Variants in TRIM35 observed in about 807,000 individuals in gnomAD.
The protein encoded by TRIM35 is E3 ubiquitin-protein ligase TRIM35.
In TRIM35, 37 loss-of-function variants were observed where a neutral mutation model predicts 49.1. The ratio of observed to expected loss-of-function variants is 0.75; its 90% CI spans 0.58 to 0.99. The LOEUF is 0.99. Among genes scored for constraint, TRIM35 ranks in the 50% least tolerant of loss-of-function variants. The pLI is 0.00. For missense variants in TRIM35, 648 were observed against 702.7 expected (o/e 0.92, Z 0.88); for synonymous variants, 302 against 289.3 (o/e 1.04, Z -0.45).
intron 1 of TRIM35, among the ~76,000 whole-genome samples, chr8:27,308,405 A>G (rs142221304): frequency 2.0e-5 from 3 of 152,278 alleles, no homozygotes; most frequent in African/African-American, 4.8e-5. Flanking sequence ...ATCTTTCTCT[A>G]AAACACACAT....
chr8:27,305,770 G>A (rs150370354), intron 1 of TRIM35, among the ~76,000 whole-genome samples: 58 of 152,320 alleles, frequency 3.8e-4, no homozygotes, highest in African/African-American at 1.4e-3. Flanking sequence ...CAGGGCTGCT[G>A]TAGAAGATGC....
chr8:27,311,170 G>A lies in TRIM35; in HGVS notation c.66C>T (p.Ala22=). Residue 22 remains alanine, a synonymous_variant, in exon 1 of 6, where the codon GCC becomes GCT. Coordinates refer to ENST00000305364, the MANE Select transcript of TRIM35 (RefSeq NM_171982.5). ...SRSFKEELLC[A]VCYDPFRDAV... ...CGTCGCGGAAGGGGTCGTAGCAGACGGCGCAGAGCAACTCCTCCTTGAAGG... is the reference window on the plus strand; with the variant it reads ...CGTCGCGGAAGGGGTCGTAGCAGACAGCGCAGAGCAACTCCTCCTTGAAGG... 5 of 1,607,126 alleles carry A rather than the reference G, an allele frequency of 3.1e-6. No individual in the cohort carries two copies. Among genetic ancestry groups the A allele is most frequent in the Non-Finnish European group, 4.2e-6 (5 of 1,177,686 alleles).
chr8:27,287,133 T>A lies in TRIM35; in HGVS notation c.*417A>T, dbSNP rs1175687892. On this transcript the variant is annotated 3_prime_UTR_variant, in exon 6 of 6. Coordinates refer to ENST00000305364, the MANE Select transcript of TRIM35 (RefSeq NM_171982.5). This position sits in a 1 kb window ranked among gnomAD's most constrained non-coding sequence, Gnocchi z 6.0. ...TGACCCACCGTGGGGCTTTCCTATG[T>A]GGCCCCTCCTCTCAGAACCGTAAGT... The A allele has an allele frequency of 6.2e-6, 1 of 161,796 alleles. No individual in the cohort carries two copies. The allele number at this position is 161,796 out of a possible 1,614,324, so 10.0% of individuals were successfully genotyped here.
Position 27,287,423 on chromosome 8 carries a change from G to C in TRIM35, c.*127C>G. 2.0e-6 allele frequency: 2 copies of C among 1,022,142 alleles called. No homozygotes were observed. The highest frequency in any genetic ancestry group is 2.8e-6 in the Non-Finnish European group (2 of 710,850). 63.3% of individuals were successfully genotyped at this position (1,022,142 alleles called of 1,614,324 possible). A position where few individuals can be genotyped will look rare whatever the true frequency, so the allele number is the denominator to read the frequency against. ...AGCCTGGAGTCATGGAAAAGGACCA[G>C]GCAGGACAGGAGGAAGAGCCTGGCA... On this transcript the variant is annotated 3_prime_UTR_variant, in exon 6 of 6. Coordinates refer to ENST00000305364, the MANE Select transcript of TRIM35 (RefSeq NM_171982.5). The surrounding 1 kb of genome is among the most constrained non-coding windows in gnomAD (Gnocchi z 6.0).
At chr8:27,298,425 T>C (rs762148624) in intron 2 of TRIM35, 39 bp downstream of exon 2, 1 of 1,594,724 alleles carries the variant, frequency 6.3e-7, no homozygotes, top group Non-Finnish European at 8.6e-7. Context: ...CTGCCCTGAG[T>C]GGACCCAATC....
Position 27,287,625 on chromosome 8 carries a change from T to G in TRIM35, c.1407A>C (p.Ala469=). The G allele has an allele frequency of 1.2e-6, 2 of 1,608,036 alleles. No individual in the cohort carries two copies. The highest frequency in any genetic ancestry group is 1.7e-6 in the Non-Finnish European group (2 of 1,177,300). The change falls in exon 6 of 6, where the codon GCA becomes GCC. Residue 469 remains alanine (A), a synonymous_variant. Transcript: ENST00000305364. The surrounding 1 kb of genome is among the most constrained non-coding windows in gnomAD (Gnocchi z 6.0). ...AAGGCTCTGGAGGCCCGGCGCCCCG[T>G]GCACCCCCCAGGTAGAAGTAGGGGC... is the stretch of plus-strand genomic sequence containing the variant. ...EVRPYFYLGG[A]RGAGPPEPLR...
At chr8:27,301,622 G>A (rs1389689105) in intron 1 of TRIM35, among the ~76,000 whole-genome samples, 1 of 152,052 alleles carries the variant, frequency 6.6e-6, no homozygotes, top group East Asian at 1.9e-4. Context: ...ATTAGTTAGA[G>A]GTGTAATGAA....
chr8:27,302,114 T>G (rs575747424), intron 1 of TRIM35, among the ~76,000 whole-genome samples: 9 of 152,356 alleles, frequency 5.9e-5, no homozygotes, highest in African/African-American at 2.2e-4. Flanking sequence ...CAAGAATGTC[T>G]TGGCAATTTT....
intron 5 of TRIM35, among the ~76,000 whole-genome samples, chr8:27,288,796 G>A (rs1437877983): frequency 6.6e-6 from 1 of 152,202 alleles, no homozygotes; most frequent in African/African-American, 2.4e-5. Context: ...GTAAAACCAG[G>A]ACACTGTGGC....
chr8:27,308,533 G>A (rs1481247479), intron 1 of TRIM35, among the ~76,000 whole-genome samples: 2 of 152,112 alleles, frequency 1.3e-5, no homozygotes, highest in African/African-American at 4.8e-5. Flanking sequence ...GTGGTGGAGG[G>A]AATCTTCCCA....
intron 4 of TRIM35, 120 bp from the exon 5 acceptor site, chr8:27,289,400 C>T: frequency 1.3e-6 from 1 of 760,546 alleles, no homozygotes; most frequent in East Asian, 2.7e-5. Flanking sequence ...GTTTCCTGGC[C>T]ACCTTCTCCA....
rs745320935 is a variant in TRIM35 at position 27,287,628 on chromosome 8, A to G, written c.1404T>C (p.Gly468=). 3.7e-6 allele frequency: 6 copies of G among 1,608,096 alleles called. No individual in the cohort carries two copies. The highest frequency in any genetic ancestry group is 3.4e-5 in the Admixed American group (2 of 59,282). The part of the protein sequence containing the change: ...GEVRPYFYLG[G]ARGAGPPEPL... Reference sequence around the variant, plus strand: ...GCTCTGGAGGCCCGGCGCCCCGTGCACCCCCCAGGTAGAAGTAGGGGCGAA... The same window carrying G: ...GCTCTGGAGGCCCGGCGCCCCGTGCGCCCCCCAGGTAGAAGTAGGGGCGAA... The change falls in exon 6 of 6, where the codon GGT becomes GGC. Residue 468 remains glycine (G), a synonymous_variant. Transcript: ENST00000305364. The surrounding 1 kb of genome is among the most constrained non-coding windows in gnomAD (Gnocchi z 6.0).
In TRIM35 at chr8:27,285,900, G is replaced by C. The variant is rs1483131290; in HGVS notation, c.*1650C>G. 1 of 328,548 alleles carries C rather than the reference G, an allele frequency of 3.0e-6. No homozygotes were observed. Among genetic ancestry groups the C allele is most frequent in the Non-Finnish European group, 6.0e-6 (1 of 166,190 alleles). 20.4% of individuals were successfully genotyped at this position (328,548 alleles called of 1,614,324 possible). A position where few individuals can be genotyped will look rare whatever the true frequency, so the allele number is the denominator to read the frequency against. On this transcript the variant is annotated 3_prime_UTR_variant, in exon 6 of 6. Coordinates refer to ENST00000305364, the MANE Select transcript of TRIM35 (RefSeq NM_171982.5). The stretch of plus-strand genomic sequence containing the variant: ...CATCTTCCAACCAGGTGCATGCACT[G>C]GTTTGCCAACATCCTCACCACGCCC...
At chr8:27,290,415 C>T (rs1322128553) in intron 3 of TRIM35, among the ~76,000 whole-genome samples, 1 of 152,166 alleles carries the variant, frequency 6.6e-6, no homozygotes, top group African/African-American at 2.4e-5. Context: ...GTGATTGGGT[C>T]ATGAGGGCAG....
At chr8:27,296,173 T>C (rs1370943832) in intron 2 of TRIM35, among the ~76,000 whole-genome samples, 2 of 150,548 alleles carry the variant, frequency 1.3e-5, no homozygotes, top group East Asian at 1.9e-4. Context: ...TTTTTTTTTT[T>C]ACATTTAAGT....
rs913823068 is a variant in TRIM35 at position 27,309,916 on chromosome 8, C to T, written c.435+885G>A. On this transcript the variant is annotated intron_variant, in intron 1 of 5. Transcript: ENST00000305364. ...CTGAGGCACCAGAATCGCTTGAACC[C>T]AGGAGGCGGAGGTTGCAGTGAGCTA... 2.2e-4 allele frequency among the ~76,000 whole-genome samples: 34 copies of T among 151,420 alleles called. 1 individual carries two copies. The highest frequency in any genetic ancestry group is 8.2e-4 in the African/African-American group (34 of 41,276).
rs1253545842 is a variant in TRIM35 at position 27,286,914 on chromosome 8, C to T, written c.*636G>A. ...CCAGGGCTGTCACACCCCAGGCCAA[C>T]ATTCACCTGTCCTGACTATCCCGGG... On this transcript the variant is annotated 3_prime_UTR_variant, in exon 6 of 6. Coordinates refer to ENST00000305364, the MANE Select transcript of TRIM35 (RefSeq NM_171982.5). 1 of 152,684 alleles carries T rather than the reference C, an allele frequency of 6.5e-6. No homozygotes were observed. Among genetic ancestry groups the T allele is most frequent in the Non-Finnish European group, 1.5e-5 (1 of 68,452 alleles). 9.5% of individuals were successfully genotyped at this position (152,684 alleles called of 1,614,324 possible).
At chr8:27,289,789 A>T (rs1285138093) in intron 4 of TRIM35, among the ~76,000 whole-genome samples, 1 of 152,108 alleles carries the variant, frequency 6.6e-6, no homozygotes, top group Non-Finnish European at 1.5e-5. Context: ...AACAACCATC[A>T]ACACAAACCA....
chr8:27,297,051 G>A (rs1438464607), intron 2 of TRIM35, among the ~76,000 whole-genome samples: 5 of 152,172 alleles, frequency 3.3e-5, no homozygotes, highest in Admixed American at 6.5e-5. Flanking sequence ...GGGGAACTGG[G>A]CTTAGATTTG....
Sources: allele counts gnomAD v4.1 joint callset (sites outside exome capture counted in the v4.1 genomes callset), GRCh38; gene constraint gnomAD v4.1.1; non-coding constraint Gnocchi (gnomAD v3.1); transcripts MANE v1.5; gene names NCBI Gene and HGNC (gene_info 2026-07-23, HGNC 2026-07-21).